JCAD: variants seen among roughly 807,000 people sequenced by gnomAD.
JCAD encodes junctional cadherin 5 associated, also known as junctional cadherin 5-associated protein.
A neutral mutation model predicts 98.0 loss-of-function variants in JCAD; 40 were observed. The ratio of observed to expected loss-of-function variants is 0.41; its 90% CI spans 0.32 to 0.53. JCAD has a LOEUF of 0.53. Among genes scored for constraint, JCAD ranks in the 20% least tolerant of loss-of-function variants. JCAD has a pLI of 0.31. For missense variants in JCAD, 1,705 were observed against 1,738.1 expected (o/e 0.98, Z 0.34); for synonymous variants, 691 against 682.3 (o/e 1.01, Z -0.20).
In JCAD at chr10:30,027,043, G is replaced by C. The variant is rs1418763432; in HGVS notation, c.3105C>G (p.Ser1035=). ...AGAGCCCTCGGTTCTTGTTAGACAG[G>C]GACAGTGGGAGCCCTGCCCCCCTCT... ...GGERGAGLPL[S]LSNKNRGLSA... Residue 1035 remains serine, a synonymous_variant, in exon 3 of 4, where the codon TCC becomes TCG. Coordinates refer to ENST00000375377, the MANE Select transcript of JCAD (RefSeq NM_020848.4). 6.2e-7 allele frequency: 1 copy of C among 1,614,080 alleles called. No individual in the cohort carries two copies. Among genetic ancestry groups the C allele is most frequent in the African/African-American group, 1.3e-5 (1 of 74,940 alleles).
upstream of JCAD, among the ~76,000 whole-genome samples, chr10:30,063,289 G>A (rs77978640): frequency 0.025 from 3,853 of 152,186 alleles, 165 homozygotes; most frequent in African/African-American, 0.088. Flanking sequence ...CAATGTCCCC[G>A]CCTTTCTTGA....
chr10:30,054,033 C>T (rs926446617), intron 1 of JCAD, among the ~76,000 whole-genome samples: 4 of 152,148 alleles, frequency 2.6e-5, no homozygotes, highest in South Asian at 2.1e-4. Context: ...TTGCACCTCA[C>T]CCTGAGCGAC....
At chr10:30,070,666 C>T (rs946463776) in intron 1 of JCAD, among the ~76,000 whole-genome samples, 2 of 152,094 alleles carry the variant, frequency 1.3e-5, no homozygotes, top group Admixed American at 1.3e-4. Context: ...TTAAATCCAC[C>T]CCAACTTTTT....
chr10:30,086,350 C>T (rs111263200), intron 1 of JCAD, among the ~76,000 whole-genome samples: 23 of 152,306 alleles, frequency 1.5e-4, no homozygotes, highest in African/African-American at 5.3e-4. Context: ...CATTCACTGA[C>T]AGGGCAGAAG....
intron 1 of JCAD, among the ~76,000 whole-genome samples, chr10:30,073,701 C>CCTTT (rs71023543): frequency 4.0e-5 from 6 of 149,336 alleles, no homozygotes. Context: ...TTCCTTCCTT[C>CCTTT]CTTCCTTCTT....
At chr10:30,042,239 GGGA>G (rs1206721134) in intron 2 of JCAD, among the ~76,000 whole-genome samples, 2 of 152,172 alleles carry the variant, frequency 1.3e-5, no homozygotes, top group Non-Finnish European at 2.9e-5. Context: ...GGGGTACACA[GGGA>G]GTCCCTGTGG....
chr10:30,074,081 T>C (rs527279894), intron 1 of JCAD, among the ~76,000 whole-genome samples: 112 of 151,760 alleles, frequency 7.4e-4, no homozygotes, highest in African/African-American at 2.7e-3. Flanking sequence ...TGTAGAAGAG[T>C]AGTCTTGGTG....
chr10:30,027,765 G>C lies in JCAD; in HGVS notation c.2383C>G (p.Pro795Ala). 6.2e-7 allele frequency: 1 copy of C among 1,614,238 alleles called. No individual in the cohort carries two copies. The highest frequency in any genetic ancestry group is 8.5e-7 in the Non-Finnish European group (1 of 1,180,042). ...CVDVHGLGAH[P>A]GPKREVVKGE... ...TTCACCACCTCCCGCTTAGGCCCAG[G>C]GTGGGCTCCAAGCCCGTGGACATCC... Residue 795 changes from proline to alanine, a missense_variant, in exon 3 of 4, where the codon CCT (proline) becomes GCT (alanine). Transcript: ENST00000375377.
chr10:30,023,263 C>G lies in JCAD; in HGVS notation c.4045+2840G>C, dbSNP rs1359622159. Among the ~76,000 whole-genome samples, 7 of 152,164 alleles carry G rather than the reference C, an allele frequency of 4.6e-5. No individual in the cohort carries two copies. The East Asian group carries it at 1.3e-3, about 29-fold the overall frequency. The stretch of plus-strand genomic sequence containing the variant: ...ACGTTGGCCACACCAGTCTTGAACT[C>G]CTGACCTCAAGTGATCCACCCACCT... On this transcript the variant is annotated intron_variant, in intron 3 of 3. Transcript: ENST00000375377.
At chr10:30,114,130 C>T (rs1032804659) in intron 1 of JCAD, among the ~76,000 whole-genome samples, 1 of 152,102 alleles carries the variant, frequency 6.6e-6, no homozygotes, top group African/African-American at 2.4e-5. Flanking sequence ...TGACTTAGTT[C>T]CCCGTGCACA....
chr10:30,034,049 C>A (rs868675846), intron 2 of JCAD, among the ~76,000 whole-genome samples: 12 of 151,802 alleles, frequency 7.9e-5, no homozygotes, highest in African/African-American at 2.9e-4. Flanking sequence ...ACAGTGAAAC[C>A]CTGTCTCTAC....
chr10:30,017,532 G>A lies in JCAD; in HGVS notation c.*351C>T. ...ACAGGCCTTTCCAAAGCATTTGCTA[G>A]ATCTTCCACATTGAAATCTTCACCC... On this transcript the variant is annotated 3_prime_UTR_variant, in exon 4 of 4. Coordinates refer to ENST00000375377, the MANE Select transcript of JCAD (RefSeq NM_020848.4). 1 of 361,068 alleles carries A rather than the reference G, an allele frequency of 2.8e-6. No individual in the cohort carries two copies. Among genetic ancestry groups the A allele is most frequent in the Non-Finnish European group, 5.1e-6 (1 of 197,926 alleles). 22.4% of individuals were successfully genotyped at this position (361,068 alleles called of 1,614,324 possible). A position where few individuals can be genotyped will look rare whatever the true frequency, so the allele number is the denominator to read the frequency against.
At chr10:30,085,531 T>C (rs949016891) in intron 1 of JCAD, among the ~76,000 whole-genome samples, 1 of 152,198 alleles carries the variant, frequency 6.6e-6, no homozygotes, top group African/African-American at 2.4e-5. Flanking sequence ...TGAAAAGCTC[T>C]TTGACAAGGA....
At chr10:30,064,256 A>G (rs967627151), upstream of JCAD, among the ~76,000 whole-genome samples, 1 of 151,998 alleles carries the variant, frequency 6.6e-6, no homozygotes, top group East Asian at 1.9e-4. Context: ...GAAGAGAGAC[A>G]TGAGCTAGCA....
chr10:30,114,013 C>T (rs778183095), intron 1 of JCAD, among the ~76,000 whole-genome samples: 2 of 152,132 alleles, frequency 1.3e-5, no homozygotes, highest in South Asian at 2.1e-4. Context: ...GTCTACGACT[C>T]GTCAGCATTA....
At chr10:30,112,049 T>C (rs1485608016) in intron 1 of JCAD, among the ~76,000 whole-genome samples, 1 of 152,026 alleles carries the variant, frequency 6.6e-6, no homozygotes, top group Admixed American at 6.6e-5. Flanking sequence ...GACTGAAAGG[T>C]GGAAACAACT....
chr10:30,075,900 T>C (rs964061872), intron 1 of JCAD, among the ~76,000 whole-genome samples: 6 of 152,216 alleles, frequency 3.9e-5, no homozygotes, highest in African/African-American at 1.2e-4. Flanking sequence ...CACTGTATTA[T>C]AGCACTATTT....
chr10:30,027,019 G>C lies in JCAD; in HGVS notation c.3129C>G (p.Leu1043=), dbSNP rs368198040. 3.0e-5 allele frequency: 48 copies of C among 1,614,070 alleles called. No homozygotes were observed. The highest frequency in any genetic ancestry group is 3.3e-5 in the Non-Finnish European group (39 of 1,180,052). ...PLSLSNKNRG[L]SAPDLRSVGL... Reference sequence around the variant, plus strand: ...CCACAGACCGTAAGTCTGGAGCTGAGAGCCCTCGGTTCTTGTTAGACAGGG... The same window carrying C: ...CCACAGACCGTAAGTCTGGAGCTGACAGCCCTCGGTTCTTGTTAGACAGGG... Residue 1043 remains leucine, a synonymous_variant, in exon 3 of 4, where the codon CTC becomes CTG. Transcript: ENST00000375377.
intron 2 of JCAD, among the ~76,000 whole-genome samples, chr10:30,036,683 T>C (rs1202029591): frequency 2.6e-5 from 4 of 152,180 alleles, no homozygotes; most frequent in Non-Finnish European, 5.9e-5. Flanking sequence ...GGGGGTTCTG[T>C]GGGAAGTGAG....
Sources: allele counts gnomAD v4.1 joint callset (sites outside exome capture counted in the v4.1 genomes callset), GRCh38; gene constraint gnomAD v4.1.1; transcripts MANE v1.5; gene names NCBI Gene and HGNC (gene_info 2026-07-23, HGNC 2026-07-21).